Variants in ASCC3 observed in about 807,000 individuals in gnomAD.
The protein encoded by ASCC3 is activating signal cointegrator 1 complex subunit 3, also known as ASC-1 complex subunit P200.
A neutral mutation model predicts 256.3 loss-of-function variants in ASCC3; 158 were observed. The observed-to-expected ratio is 0.62, with a 90% CI of 0.54 to 0.70. The LOEUF is 0.70. Ranked by LOEUF, ASCC3 falls within the 30% of genes least tolerant of loss-of-function variation. The pLI, the probability that ASCC3 is intolerant of heterozygous loss-of-function variation, is 0.00. For synonymous variants in ASCC3, 948 were observed against 883.4 expected, an observed-to-expected ratio of 1.07 and a Z score of -1.30; for missense variants, 2,259 against 2,626.0, an observed-to-expected ratio of 0.86 and a Z score of 3.05.
intron 13 of ASCC3, among the ~76,000 whole-genome samples, chr6:100,713,720 T>C (rs1778964410): frequency 6.6e-6 from 1 of 152,180 alleles, no homozygotes; most frequent in South Asian, 2.1e-4. Flanking sequence ...AAAAAAACTG[T>C]ATTTTTAAAA....
chr6:100,803,688 ACAATCT>A (rs1394828711), intron 5 of ASCC3, among the ~76,000 whole-genome samples: 1 of 152,186 alleles, frequency 6.6e-6, no homozygotes, highest in African/African-American at 2.4e-5. Flanking sequence ...CAAGTTTCTT[ACAATCT>A]CAAAGGAACT....
intron 30 of ASCC3, among the ~76,000 whole-genome samples, chr6:100,610,888 T>C (rs1773359194): frequency 6.6e-6 from 1 of 152,202 alleles, no homozygotes; most frequent in Non-Finnish European, 1.5e-5. Context: ...ATAAAATGTC[T>C]TCAATTTACA....
At chr6:100,510,354 T>A in intron 40 of ASCC3, 1 of 453,880 alleles carries the variant, frequency 2.2e-6, no homozygotes, top group Non-Finnish European at 3.9e-6. Flanking sequence ...TCAGAATATA[T>A]GGCCAGTTAG....
chr6:100,807,990 C>G (rs1297322868), intron 4 of ASCC3, among the ~76,000 whole-genome samples: 2 of 151,722 alleles, frequency 1.3e-5, no homozygotes, highest in East Asian at 3.9e-4. Flanking sequence ...AACATTTTCT[C>G]AAAAATGAAA....
At chr6:100,666,773 T>C (rs1027119339) in intron 14 of ASCC3, among the ~76,000 whole-genome samples, 2 of 152,164 alleles carry the variant, frequency 1.3e-5, no homozygotes, top group African/African-American at 4.8e-5. Flanking sequence ...CAACCTCGTA[T>C]TTGTTATTGT....
At chr6:100,647,521 T>G in intron 20 of ASCC3, 70 bp from the exon 21 acceptor site, 1 of 1,365,992 alleles carries the variant, frequency 7.3e-7, no homozygotes, top group East Asian at 2.4e-5. Flanking sequence ...AAATCTATTA[T>G]TCAAACTCAG....
rs1774028317 is a variant in ASCC3 at position 100,876,907 on chromosome 6, T to C, written c.-42+4154A>G. 2.0e-5 allele frequency among the ~76,000 whole-genome samples: 3 copies of C among 152,172 alleles called. No individual in the cohort carries two copies. The South Asian group carries it at 6.2e-4, about 32-fold the overall frequency. On this transcript the variant is annotated intron_variant, in intron 1 of 41. Coordinates refer to ENST00000369162, the MANE Select transcript of ASCC3 (RefSeq NM_006828.4). ...GTCTTAAAAATGTAACTGTCCTTTT[T>C]TACATTCCAAATAAGGAGAAAACTA...
chr6:100,621,316 T>C (rs1400865824), intron 30 of ASCC3, among the ~76,000 whole-genome samples: 5 of 152,254 alleles, frequency 3.3e-5, no homozygotes, highest in African/African-American at 1.2e-4. Flanking sequence ...TTATAACAAA[T>C]ATTTATGTTA....
intron 30 of ASCC3, among the ~76,000 whole-genome samples, chr6:100,612,207 T>C (rs7741500): frequency 0.085 from 12,986 of 151,976 alleles, 1,380 homozygotes; most frequent in East Asian, 0.45. Flanking sequence ...TCCATTTAAG[T>C]AGATACATTA....
chr6:100,681,608 T>C (rs926040032), intron 13 of ASCC3, among the ~76,000 whole-genome samples: 1 of 150,268 alleles, frequency 6.7e-6, no homozygotes, highest in Non-Finnish European at 1.5e-5. Flanking sequence ...GTGCCTGTAA[T>C]CTCAGCTACT....
intron 11 of ASCC3, among the ~76,000 whole-genome samples, chr6:100,722,107 T>C (rs113806143): frequency 2.0e-5 from 3 of 152,056 alleles, no homozygotes; most frequent in African/African-American, 7.2e-5. Context: ...CCCCATTGCT[T>C]ATTTTTGTCA....
intron 37 of ASCC3, among the ~76,000 whole-genome samples, chr6:100,528,059 G>C (rs568170581): frequency 6.6e-6 from 1 of 151,304 alleles, no homozygotes; most frequent in Non-Finnish European, 1.5e-5. Flanking sequence ...GGCTGTTCTC[G>C]AATTCCTGGC....
At chr6:100,702,856 G>A (rs986413106) in intron 13 of ASCC3, among the ~76,000 whole-genome samples, 1 of 152,094 alleles carries the variant, frequency 6.6e-6, no homozygotes, top group Non-Finnish European at 1.5e-5. Context: ...TATTGAGGGT[G>A]TATCAAGCTT....
chr6:100,688,465 A>T (rs1295256832), intron 13 of ASCC3, among the ~76,000 whole-genome samples: 2 of 152,226 alleles, frequency 1.3e-5, no homozygotes, highest in Admixed American at 6.5e-5. Context: ...TACATTTTTC[A>T]TAAAATTTCA....
intron 13 of ASCC3, among the ~76,000 whole-genome samples, chr6:100,701,710 A>T (rs1778363337): frequency 6.6e-6 from 1 of 152,170 alleles, no homozygotes; most frequent in Admixed American, 6.5e-5. Flanking sequence ...TGGAATTACG[A>T]ATAAGATATA....
intron 36 of ASCC3, among the ~76,000 whole-genome samples, chr6:100,571,061 T>C (rs963668354): frequency 6.6e-6 from 1 of 152,136 alleles, no homozygotes; most frequent in Non-Finnish European, 1.5e-5. Context: ...ATCCCACCAA[T>C]GGCTCCTCTG....
chr6:100,523,894 G>C (rs1774428764), intron 37 of ASCC3, among the ~76,000 whole-genome samples: 1 of 152,132 alleles, frequency 6.6e-6, no homozygotes, highest in African/African-American at 2.4e-5. Context: ...GCTCTGAACA[G>C]TGAATTATAT....
chr6:100,850,318 A>T (rs534915802), intron 3 of ASCC3, among the ~76,000 whole-genome samples: 1 of 152,276 alleles, frequency 6.6e-6, no homozygotes, highest in South Asian at 2.1e-4. Flanking sequence ...GCCTATTTCT[A>T]TATCATACTG....
chr6:100,822,575 A>G (rs1453640204), intron 4 of ASCC3, among the ~76,000 whole-genome samples: 1 of 152,042 alleles, frequency 6.6e-6, no homozygotes, highest in Admixed American at 6.6e-5. Context: ...AATTTTCCCT[A>G]AAAGCATTTT....
Sources: allele counts gnomAD v4.1 joint callset (sites outside exome capture counted in the v4.1 genomes callset), GRCh38; gene constraint gnomAD v4.1.1; transcripts MANE v1.5; gene names NCBI Gene and HGNC (gene_info 2026-07-23, HGNC 2026-07-21).